NRXN1: variants seen among roughly 807,000 people sequenced by gnomAD.
NRXN1 encodes the protein neurexin 1, also known as neurexin-1.
NRXN1 carries 39 observed loss-of-function variants against 150.9 expected under a neutral mutation model. The ratio of observed to expected loss-of-function variants is 0.26; its 90% CI spans 0.20 to 0.34. The LOEUF (loss-of-function observed/expected upper bound fraction) is 0.34, where lower values mean the gene tolerates loss of function less well. NRXN1 is among the 10% of genes least tolerant of loss of function. NRXN1 has a pLI of 1.00. For missense variants in NRXN1, 1,815 were observed against 1,949.9 expected, an observed-to-expected ratio of 0.93 and a Z score of 1.30; for synonymous variants, 924 against 757.0, an observed-to-expected ratio of 1.22 and a Z score of -3.62.
At chr2:50,322,313 A>G (rs537133215) in intron 17 of NRXN1, among the ~76,000 whole-genome samples, 2 of 152,326 alleles carry the variant, frequency 1.3e-5, no homozygotes, top group Admixed American at 1.3e-4. Context: ...TCGTGATTGG[A>G]AGAGTGCTGT....
At chr2:50,720,643 A>C (rs1030281100) in intron 5 of NRXN1, among the ~76,000 whole-genome samples, 2 of 152,186 alleles carry the variant, frequency 1.3e-5, no homozygotes, top group African/African-American at 4.8e-5. Flanking sequence ...TACATTTTGC[A>C]TTTATAAACC....
chr2:50,617,518 C>T (rs990231073), intron 8 of NRXN1, among the ~76,000 whole-genome samples: 5 of 151,706 alleles, frequency 3.3e-5, no homozygotes, highest in Non-Finnish European at 5.9e-5. Flanking sequence ...TCCAGTGCAT[C>T]AGAAGAAGTA....
Position 50,221,146 on chromosome 2 carries a change from T to C in NRXN1, c.3546+15643A>G, listed in dbSNP as rs138596499. Among the ~76,000 whole-genome samples the C allele has an allele frequency of 2.6e-3, 396 of 151,530 alleles. 1 individual carries two copies. Among genetic ancestry groups the C allele is most frequent in the Middle Eastern group, 6.8e-3 (2 of 294 alleles). On this transcript the variant is annotated intron_variant, in intron 18 of 22. Transcript: ENST00000401669. ...CCAGTTATTTTACTTTAGAATCTCATGGGCTGTGTATCGTGAAGACAAACA... is the reference window on the plus strand; with the variant it reads ...CCAGTTATTTTACTTTAGAATCTCACGGGCTGTGTATCGTGAAGACAAACA...
chr2:49,980,718 C>T lies in NRXN1; in HGVS notation c.4129-36927G>A, dbSNP rs556249119. Among the ~76,000 whole-genome samples, 9 of 152,212 alleles carry T rather than the reference C, an allele frequency of 5.9e-5. No individual in the cohort carries two copies. In the East Asian group the frequency reaches 7.7e-4, roughly 13 times the overall value. On this transcript the variant is annotated intron_variant, in intron 21 of 22. Transcript: ENST00000401669. ...ATAGGGCACTTGGCTGAATTGGTTCCTACCTCCACTGCTGCAATTAGAAAC... is the reference window on the plus strand; with the variant it reads ...ATAGGGCACTTGGCTGAATTGGTTCTTACCTCCACTGCTGCAATTAGAAAC...
chr2:50,734,666 C>A (rs1221215499), intron 5 of NRXN1, among the ~76,000 whole-genome samples: 4 of 151,790 alleles, frequency 2.6e-5, no homozygotes, highest in Non-Finnish European at 5.9e-5. Context: ...TAGAAAAATG[C>A]TTTTTCTGGC....
rs776389082 is a variant in NRXN1 at position 49,938,427 on chromosome 2, T to C, written c.4216+5277A>G. The stretch of plus-strand genomic sequence containing the variant: ...ACCTTGATCAACATGATTCCTCTGA[T>C]AGGCAATCAACAGTTGTCTTTTGAG... On this transcript the variant is annotated intron_variant, in intron 22 of 22. Transcript: ENST00000401669. Among the ~76,000 whole-genome samples the C allele has an allele frequency of 7.2e-5, 11 of 152,334 alleles. No individual in the cohort carries two copies. In the East Asian group the frequency reaches 7.7e-4, roughly 11 times the overall value.
intron 9 of NRXN1, chr2:50,548,178 T>C (rs1328486202): frequency 6.6e-6 from 1 of 152,046 alleles, no homozygotes; most frequent in Non-Finnish European, 1.5e-5. Context: ...CAGAAAGGAG[T>C]TACCACCTTC....
intron 5 of NRXN1, among the ~76,000 whole-genome samples, chr2:50,856,586 C>T (rs1336051923): frequency 4.6e-5 from 7 of 152,006 alleles, no homozygotes; most frequent in Admixed American, 6.6e-5. Flanking sequence ...TCAGACCAAA[C>T]CTAGTATCTA....
chr2:49,964,421 A>G (rs552196739), intron 21 of NRXN1, among the ~76,000 whole-genome samples: 1 of 151,940 alleles, frequency 6.6e-6, no homozygotes, highest in African/African-American at 2.4e-5. Context: ...TCTACTAAAA[A>G]TACAAAAAAT....
chr2:50,470,463 T>C (rs1028622306), intron 16 of NRXN1, among the ~76,000 whole-genome samples: 1 of 151,824 alleles, frequency 6.6e-6, no homozygotes, highest in Non-Finnish European at 1.5e-5. Flanking sequence ...ATTACTGAAA[T>C]ACAGTTTAAA....
At chr2:50,503,851 T>C (rs753551339) in intron 13 of NRXN1, among the ~76,000 whole-genome samples, 3 of 152,064 alleles carry the variant, frequency 2.0e-5, no homozygotes, top group Non-Finnish European at 4.4e-5. Context: ...ATGGAGAAAC[T>C]GGACAACATG....
intron 5 of NRXN1, among the ~76,000 whole-genome samples, chr2:50,815,753 G>C (rs1224709053): frequency 1.3e-5 from 2 of 151,996 alleles, no homozygotes; most frequent in African/African-American, 4.8e-5. Context: ...GGCCTAACTG[G>C]TCTTCATAGA....
intron 18 of NRXN1, among the ~76,000 whole-genome samples, chr2:50,201,874 G>T (rs1192139344): frequency 6.6e-6 from 1 of 152,112 alleles, no homozygotes; most frequent in Non-Finnish European, 1.5e-5. Flanking sequence ...GCATCACATT[G>T]TTCTTAGTCC....
intron 17 of NRXN1, among the ~76,000 whole-genome samples, chr2:50,395,575 G>A (rs577172973): frequency 2.6e-5 from 4 of 152,048 alleles, no homozygotes; most frequent in African/African-American, 9.6e-5. Context: ...AATTGAATAC[G>A]CAACTACCAT....
At chr2:50,755,068 G>C (rs758265749) in intron 5 of NRXN1, among the ~76,000 whole-genome samples, 1 of 151,632 alleles carries the variant, frequency 6.6e-6, no homozygotes, top group Non-Finnish European at 1.5e-5. Context: ...GAAAATTCTC[G>C]GTTTCTTCAC....
In NRXN1 at chr2:50,660,837, T is replaced by C. The variant is rs113942903; in HGVS notation, c.833-37222A>G. Among the ~76,000 whole-genome samples, 309 of 152,144 alleles carry C rather than the reference T, an allele frequency of 2.0e-3. 4 individuals carry two copies. Among genetic ancestry groups the C allele is most frequent in the African/African-American group, 7.2e-3 (301 of 41,550 alleles). ...ATCCAACAAATATATATATGGTGTTTCAAATATGTGGTAGGCACTGATCTC... is the reference window on the plus strand; with the variant it reads ...ATCCAACAAATATATATATGGTGTTCCAAATATGTGGTAGGCACTGATCTC... On this transcript the variant is annotated intron_variant, in intron 5 of 22. Coordinates refer to ENST00000401669, the MANE Select transcript of NRXN1 (RefSeq NM_001330078.2).
chr2:50,213,560 G>T (rs963307409), intron 18 of NRXN1, among the ~76,000 whole-genome samples: 1 of 151,770 alleles, frequency 6.6e-6, no homozygotes, highest in South Asian at 2.1e-4. Context: ...GCCCTCTGAT[G>T]CTTAATCTTT....
chr2:50,630,514 T>C (rs1682084884), intron 5 of NRXN1, among the ~76,000 whole-genome samples: 2 of 151,590 alleles, frequency 1.3e-5, no homozygotes, highest in South Asian at 2.1e-4. Context: ...AAATAAATAA[T>C]CTGCAAGGAA....
intron 18 of NRXN1, among the ~76,000 whole-genome samples, chr2:50,137,220 G>T (rs1035327470): frequency 6.6e-6 from 1 of 151,994 alleles, no homozygotes; most frequent in Non-Finnish European, 1.5e-5. Context: ...AATATTATTT[G>T]TCAATTATAA....
Sources: gnomAD v4.1 joint callset for allele counts (sites outside exome capture counted in the v4.1 genomes callset) on GRCh38, gnomAD v4.1.1 for gene constraint, MANE v1.5 for transcripts, NCBI Gene and HGNC (gene_info 2026-07-23, HGNC 2026-07-21) for gene names.